Variants in NCR3LG1 observed in about 807,000 individuals in gnomAD.
The protein encoded by NCR3LG1 is natural killer cell cytotoxicity receptor 3 ligand 1, also known as natural cytotoxicity triggering receptor 3 ligand 1.
In NCR3LG1, 35 loss-of-function variants were observed where a neutral mutation model predicts 34.8. The ratio of observed to expected loss-of-function variants is 1.01; its 90% CI spans 0.77 to 1.33. The LOEUF (loss-of-function observed/expected upper bound fraction) is 1.33, where lower values mean the gene tolerates loss of function less well. Among genes scored for constraint, NCR3LG1 ranks in the 40% most tolerant of loss-of-function variants. The probability of loss-of-function intolerance (pLI) is 0.00; values close to 1 mark genes in which losing one functional copy is unlikely to be tolerated. For missense variants in NCR3LG1, 452 were observed against 423.3 expected (o/e 1.07, Z -0.60); for synonymous variants, 173 against 163.6 (o/e 1.06, Z -0.44).
chr11:17,373,909 A>T lies in NCR3LG1; in HGVS notation c.*1397A>T, dbSNP rs965261957. On this transcript the variant is annotated 3_prime_UTR_variant, in exon 5 of 5. Transcript: ENST00000338965. The stretch of plus-strand genomic sequence containing the variant: ...ACCCAGAGGTTTGGGCAACTCAGGG[A>T]AGAAGTGGCCGGACTATAACCACTA... 1 of 152,198 alleles carries T rather than the reference A, an allele frequency of 6.6e-6. No homozygotes were observed. The highest frequency in any genetic ancestry group is 2.4e-5 in the African/African-American group (1 of 41,444). The allele number at this position is 152,198 out of a possible 1,614,324, so 9.4% of individuals were successfully genotyped here.
chr11:17,372,167 G>A lies in NCR3LG1; in HGVS notation c.1020G>A (p.Glu340=), dbSNP rs758723459. ...QLQDGEAWPP[E]GSVNINTIQQ... is the part of the protein sequence containing the mutation. ...AGGATGGGGAGGCTTGGCCTCCTGA[G>A]GGAAGTGTTAATATTAATACTATTC... Residue 340 remains glutamate, a synonymous_variant, in exon 5 of 5, where the codon GAG becomes GAA. Transcript: ENST00000338965. 11 of 702,878 alleles carry A rather than the reference G, an allele frequency of 1.6e-5. No individual in the cohort carries two copies. The highest frequency in any genetic ancestry group is 8.7e-5 in the African/African-American group (5 of 57,252). 43.5% of individuals were successfully genotyped at this position (702,878 alleles called of 1,614,324 possible). A position where few individuals can be genotyped will look rare whatever the true frequency, so the allele number is the denominator to read the frequency against.
Position 17,367,056 on chromosome 11 carries a change from A to T in NCR3LG1, c.469A>T (p.Asn157Tyr). The T allele has an allele frequency of 6.5e-7, 1 of 1,535,708 alleles. No individual in the cohort carries two copies. The highest frequency in any genetic ancestry group is 8.7e-7 in the Non-Finnish European group (1 of 1,146,602). Residue 157 changes from asparagine (N) to tyrosine (Y), a missense_variant, in exon 3 of 5, where the codon AAT becomes TAT. By Grantham distance (143) the Asn-to-Tyr change is moderately radical. Coordinates refer to ENST00000338965, the MANE Select transcript of NCR3LG1 (RefSeq NM_001202439.3). ...GCTGGATCAAGTGGGCATGAAAGAG[A>T]ATGAAGACAAATATATGTGTGAGTC... ...LLLDQVGMKENEDKYMCESSG... is the reference protein window; with the variant it reads ...LLLDQVGMKEYEDKYMCESSG...
At chr11:17,353,521 G>C (rs1322655816) in intron 1 of NCR3LG1, among the ~76,000 whole-genome samples, 1 of 152,204 alleles carries the variant, frequency 6.6e-6, no homozygotes, top group Admixed American at 6.5e-5. Flanking sequence ...CTGCCGCCGC[G>C]CCCACCCGGT....
rs1953455924 is a variant in NCR3LG1, at chr11:17,374,791, C to T, written c.*2279C>T. The T allele has an allele frequency of 1.3e-5, 2 of 152,208 alleles. No homozygotes were observed. The highest frequency in any genetic ancestry group is 2.9e-5 in the Non-Finnish European group (2 of 68,034). The allele number at this position is 152,208 out of a possible 1,614,324, so 9.4% of individuals were successfully genotyped here. The stretch of plus-strand genomic sequence containing the variant: ...AAGAAATTCAAGTGGCTAAAACTCA[C>T]TTCCTGACCTGGGAACCTGAAGGTC... On this transcript the variant is annotated 3_prime_UTR_variant, in exon 5 of 5. Transcript: ENST00000338965.
chr11:17,356,652 T>A lies in NCR3LG1; in HGVS notation c.72T>A (p.Gly24=). 6.0e-6 allele frequency: 9 copies of A among 1,511,884 alleles called. No individual in the cohort carries two copies. Among genetic ancestry groups the A allele is most frequent in the Admixed American group, 2.1e-5 (1 of 48,118 alleles). The allele number at this position is 1,511,884 out of a possible 1,614,324, so 93.7% of individuals were successfully genotyped here. ...CATTGTGTCCTCTTATTGCCACAGG[T>A]GATCTGAAAGTAGAGATGATGGCAG... The part of the protein sequence containing the change: ...LILLWALTTE[G]DLKVEMMAGG... Residue 24 remains glycine (G), a splice_region_variant and synonymous_variant, in exon 2 of 5, where the codon GGT becomes GGA. Transcript: ENST00000338965.
Position 17,372,754 on chromosome 11 carries a change from G to A in NCR3LG1, c.*242G>A. On this transcript the variant is annotated 3_prime_UTR_variant, in exon 5 of 5. Transcript: ENST00000338965. Reference sequence around the variant, plus strand: ...AGAAAAATTCAGAGATGAACAACATGTCTTCTATAGCCACTCAATAAGGAA... The same window carrying A: ...AGAAAAATTCAGAGATGAACAACATATCTTCTATAGCCACTCAATAAGGAA... The A allele has an allele frequency of 2.2e-6, 1 of 463,168 alleles. No individual in the cohort carries two copies. Among genetic ancestry groups the A allele is most frequent in the East Asian group, 3.3e-5 (1 of 30,448 alleles). The allele number at this position is 463,168 out of a possible 1,614,324, so 28.7% of individuals were successfully genotyped here.
At chr11:17,363,542 C>CCTTCCTTCCTTCCTTCCTTCCTT (rs1554898612) in intron 2 of NCR3LG1, among the ~76,000 whole-genome samples, 10 of 54,678 alleles carry the variant, frequency 1.8e-4, no homozygotes, top group African/African-American at 1.4e-3. Flanking sequence ...CTCCCTCCCT[C>CCTTCCTTCCTTCCTTCCTTCCTT]CCTTCCTTCC....
chr11:17,359,501 C>CTT (rs34224243), intron 2 of NCR3LG1, among the ~76,000 whole-genome samples: 5 of 136,668 alleles, frequency 3.7e-5, no homozygotes, highest in Admixed American at 7.4e-5. Flanking sequence ...TTGGCAATTC[C>CTT]TTTTTTTTTT....
intron 2 of NCR3LG1, among the ~76,000 whole-genome samples, chr11:17,359,923 G>T: frequency 6.6e-6 from 1 of 151,890 alleles, no homozygotes; most frequent in South Asian, 2.1e-4. Context: ...CTTGCCATTC[G>T]TATGTCTTCT....
chr11:17,372,235 A>C lies in NCR3LG1; in HGVS notation c.1088A>C (p.Glu363Ala), dbSNP rs945840033. The C allele has an allele frequency of 5.7e-6, 4 of 703,030 alleles. No individual in the cohort carries two copies. The highest frequency in any genetic ancestry group is 1.0e-5 in the Non-Finnish European group (4 of 385,036). 43.5% of individuals were successfully genotyped at this position (703,030 alleles called of 1,614,324 possible). A position where few individuals can be genotyped will look rare whatever the true frequency, so the allele number is the denominator to read the frequency against. Residue 363 changes from glutamate (E) to alanine (A), a missense_variant, in exon 5 of 5, where the codon GAG becomes GCG. Coordinates refer to ENST00000338965, the MANE Select transcript of NCR3LG1 (RefSeq NM_001202439.3). The stretch of plus-strand genomic sequence containing the variant: ...TGCAGACAGGAGGGCAAATGGTCCG[A>C]GGTTCCTTATGTGCAAGCCTTCTTT... ...VFCRQEGKWS[E>A]VPYVQAFFAL...
intron 2 of NCR3LG1, among the ~76,000 whole-genome samples, chr11:17,358,302 G>C (rs990338049): frequency 1.3e-5 from 2 of 152,088 alleles, no homozygotes; most frequent in African/African-American, 4.8e-5. Flanking sequence ...ATGTTCTTAG[G>C]CTCCTTTTTG....
At chr11:17,356,386 C>G (rs1405928638) in intron 1 of NCR3LG1, among the ~76,000 whole-genome samples, 1 of 151,990 alleles carries the variant, frequency 6.6e-6, no homozygotes, top group East Asian at 1.9e-4. Context: ...ACCTGCCTGC[C>G]TGGGCCTCCC....
In NCR3LG1 at chr11:17,356,848, C is replaced by T. The variant is rs755885523; in HGVS notation, c.268C>T (p.Arg90Ter). 1.3e-4 allele frequency: 197 copies of T among 1,536,016 alleles called. 1 individual carries two copies. The highest frequency in any genetic ancestry group is 1.7e-4 in the Middle Eastern group (1 of 6,006). The part of the protein sequence containing the change: ...EFFGDHQEAF[R>*]PGAIVSPWRL... ...TTTTGGAGATCACCAAGAGGCATTC[C>T]GACCTGGAGCCATTGTGTCTCCATG... Residue 90 changes from arginine (R) to a stop codon, truncating the protein, a stop_gained, in exon 2 of 5, where the codon CGA (arginine) becomes TGA (stop). Transcript: ENST00000338965. LOFTEE classifies it high-confidence loss of function.
At chr11:17,370,123 A>T (rs1182268766) in intron 4 of NCR3LG1, among the ~76,000 whole-genome samples, 4 of 152,238 alleles carry the variant, frequency 2.6e-5, no homozygotes, top group Admixed American at 2.6e-4. Context: ...TTGCATGCAC[A>T]CTACGAGGAT....
intron 2 of NCR3LG1, 50 bp downstream of exon 2, chr11:17,357,051 C>T: frequency 7.8e-7 from 1 of 1,282,194 alleles, no homozygotes; most frequent in Non-Finnish European, 1.0e-6. Flanking sequence ...TTGGGGTTAG[C>T]AACAACAAAA....
At chr11:17,357,771 ATCATAGC>A (rs1160365680) in intron 2 of NCR3LG1, among the ~76,000 whole-genome samples, 1 of 152,014 alleles carries the variant, frequency 6.6e-6, no homozygotes, top group African/African-American at 2.4e-5. Flanking sequence ...GCATGGCACA[ATCATAGC>A]TCACTGTAAC....
At chr11:17,353,208 C>G (rs1470794950) in intron 1 of NCR3LG1, among the ~76,000 whole-genome samples, 2 of 152,258 alleles carry the variant, frequency 1.3e-5, no homozygotes, top group Admixed American at 1.3e-4. Context: ...ACAGAAGATA[C>G]AGCCTTAAAG....
intron 4 of NCR3LG1, among the ~76,000 whole-genome samples, chr11:17,370,599 A>G (rs148436861): frequency 3.2e-4 from 48 of 152,216 alleles, no homozygotes; most frequent in African/African-American, 1.2e-3. Context: ...GGTGTTGGGA[A>G]TGTTGGCTCT....
rs1481875886 is a variant in NCR3LG1, at chr11:17,375,948, C to T, written c.*3436C>T. The T allele has an allele frequency of 1.3e-5, 2 of 152,168 alleles. No individual in the cohort carries two copies. Among genetic ancestry groups the T allele is most frequent in the Non-Finnish European group, 2.9e-5 (2 of 68,030 alleles). 9.4% of individuals were successfully genotyped at this position (152,168 alleles called of 1,614,324 possible). On this transcript the variant is annotated 3_prime_UTR_variant, in exon 5 of 5. Transcript: ENST00000338965. ...CAAAGTACGCTTGCCAGCCTCCAGC[C>T]AATGGAAGATTCTTAAAATCCTCCA...
Sources: gnomAD v4.1 joint callset for allele counts (sites outside exome capture counted in the v4.1 genomes callset) on GRCh38, gnomAD v4.1.1 for gene constraint, MANE v1.5 for transcripts, NCBI Gene and HGNC (gene_info 2026-07-23, HGNC 2026-07-21) for gene names.